The following APBB2 variants were observed in gnomAD, a reference collection of about 807,000 sequenced individuals.
APBB2 encodes amyloid beta precursor protein binding family B member 2, also known as Fe65-like 1.
A neutral mutation model predicts 82.5 loss-of-function variants in APBB2; 38 were observed. The ratio of observed to expected loss-of-function variants is 0.46; its 90% CI spans 0.36 to 0.60. The LOEUF (loss-of-function observed/expected upper bound fraction) is 0.60. Among genes scored for constraint, APBB2 ranks in the 20% least tolerant of loss-of-function variants. The pLI, the probability that APBB2 is intolerant of heterozygous loss-of-function variation, is 0.00. For synonymous variants in APBB2, 341 were observed against 368.2 expected (o/e 0.93, Z 0.85); for missense variants, 772 against 972.3 (o/e 0.79, Z 2.74).
At chr4:41,140,554 A>G (rs1758822282) in intron 2 of APBB2, among the ~76,000 whole-genome samples, 1 of 152,162 alleles carries the variant, frequency 6.6e-6, no homozygotes, top group Admixed American at 6.5e-5. Flanking sequence ...ACTGCATGTC[A>G]GTCATGTGAA....
At chr4:41,191,981 C>A (rs1353120374) in intron 1 of APBB2, among the ~76,000 whole-genome samples, 2 of 152,222 alleles carry the variant, frequency 1.3e-5, no homozygotes, top group African/African-American at 2.4e-5. Context: ...CCTGGATAGA[C>A]ATTTTTCCTA....
At chr4:41,018,344 C>T (rs972316981) in intron 5 of APBB2, among the ~76,000 whole-genome samples, 2 of 152,190 alleles carry the variant, frequency 1.3e-5, no homozygotes, top group Non-Finnish European at 2.9e-5. Context: ...ACAGAAATCA[C>T]AGAGGGTGAC....
At chr4:41,175,802 G>A (rs1158695000) in intron 1 of APBB2, among the ~76,000 whole-genome samples, 1 of 152,170 alleles carries the variant, frequency 6.6e-6, no homozygotes, top group African/African-American at 2.4e-5. Flanking sequence ...ATGTGAGGAA[G>A]AAAACAGCAA....
At chr4:41,077,878 A>C (rs547976244) in intron 3 of APBB2, among the ~76,000 whole-genome samples, 20 of 152,352 alleles carry the variant, frequency 1.3e-4, no homozygotes, top group Admixed American at 1.2e-3. Context: ...GAACAGAATG[A>C]GCAAGCAGAG....
chr4:40,878,468 C>T (rs140705139), intron 12 of APBB2, among the ~76,000 whole-genome samples: 71 of 152,308 alleles, frequency 4.7e-4, no homozygotes, highest in African/African-American at 1.7e-3. Context: ...TCCTCCCCAT[C>T]ACGTTACCTG....
intron 6 of APBB2, among the ~76,000 whole-genome samples, chr4:40,999,384 A>G (rs1804527340): frequency 6.6e-6 from 1 of 152,228 alleles, no homozygotes; most frequent in African/African-American, 2.4e-5. Context: ...TTGAGGCTGC[A>G]GTGAGCTGTG....
At chr4:40,959,457 C>A (rs746272419) in intron 6 of APBB2, among the ~76,000 whole-genome samples, 1 of 152,192 alleles carries the variant, frequency 6.6e-6, no homozygotes, top group Non-Finnish European at 1.5e-5. Flanking sequence ...TAGTATACAA[C>A]AGCAACGATC....
At chr4:40,980,478 G>C (rs1231738862) in intron 6 of APBB2, among the ~76,000 whole-genome samples, 5 of 152,184 alleles carry the variant, frequency 3.3e-5, no homozygotes, top group East Asian at 1.9e-4. Flanking sequence ...ATGGGCATGA[G>C]AGAAAAGGAA....
At chr4:40,893,205 C>A in intron 11 of APBB2, 60 bp downstream of exon 11, 1 of 1,584,248 alleles carries the variant, frequency 6.3e-7, no homozygotes, top group South Asian at 1.2e-5. Context: ...AGCTGTGGGG[C>A]TTCCTGAAAT....
chr4:40,978,589 G>T (rs1471532783), intron 6 of APBB2, among the ~76,000 whole-genome samples: 2 of 152,014 alleles, frequency 1.3e-5, no homozygotes, highest in Non-Finnish European at 2.9e-5. Context: ...AAAAAAGCGT[G>T]GAAAATTACT....
chr4:40,965,127 T>TAA (rs71198617), intron 6 of APBB2, among the ~76,000 whole-genome samples: 4 of 132,816 alleles, frequency 3.0e-5, no homozygotes, highest in East Asian at 4.2e-4. Flanking sequence ...CTCAAAAAAT[T>TAA]AAAAAAAAAA....
chr4:40,945,771 C>G (rs1788211529), intron 6 of APBB2, among the ~76,000 whole-genome samples: 1 of 152,126 alleles, frequency 6.6e-6, no homozygotes, highest in Admixed American at 6.5e-5. Flanking sequence ...TGCCACCACG[C>G]CAGGCTTTTT....
At chr4:41,187,575 G>A (rs936078750) in intron 1 of APBB2, among the ~76,000 whole-genome samples, 1 of 152,178 alleles carries the variant, frequency 6.6e-6, no homozygotes, top group Non-Finnish European at 1.5e-5. Context: ...CAGCTCATCA[G>A]AGACCCTATT....
At chr4:41,062,273 A>C (rs1252333159) in intron 4 of APBB2, among the ~76,000 whole-genome samples, 1 of 152,094 alleles carries the variant, frequency 6.6e-6, no homozygotes, top group African/African-American at 2.4e-5. Flanking sequence ...CCCAGGTTCA[A>C]GCAATTCTCC....
chr4:40,889,518 A>G (rs909928593), intron 12 of APBB2, among the ~76,000 whole-genome samples: 5 of 152,238 alleles, frequency 3.3e-5, no homozygotes, highest in African/African-American at 9.6e-5. Context: ...CAACAAAGCA[A>G]TAACAAGCTA....
chr4:41,151,523 G>C (rs539288389), intron 1 of APBB2, among the ~76,000 whole-genome samples: 1 of 152,056 alleles, frequency 6.6e-6, no homozygotes, highest in South Asian at 2.1e-4. Context: ...CTCTCCTTCC[G>C]GAAGTATATC....
intron 12 of APBB2, among the ~76,000 whole-genome samples, chr4:40,835,112 T>C (rs1753424081): frequency 1.3e-5 from 2 of 151,836 alleles, no homozygotes; most frequent in Admixed American, 1.3e-4. Context: ...CCGTCTCTAC[T>C]AAAAATACAA....
intron 10 of APBB2, among the ~76,000 whole-genome samples, chr4:40,907,389 T>A (rs1166678266): frequency 2.3e-5 from 3 of 129,466 alleles, no homozygotes; most frequent in African/African-American, 6.0e-5. Context: ...ATTTTTTTTT[T>A]TTTTTTTTTT....
In APBB2 at chr4:40,832,013, T is replaced by TACACACACACACACACACAC. The variant is rs1553930075; in HGVS notation, c.1530-1456_1530-1437dup. On this transcript the variant is annotated intron_variant, in intron 12 of 17. Coordinates refer to ENST00000508593, the MANE Select transcript of APBB2 (RefSeq NM_004307.2). This position sits in a 1 kb window ranked among gnomAD's most constrained non-coding sequence, Gnocchi z 4.8. ...ACACATATTTATATATTTATTTATA[T>TACACACACACACACACACAC]ACACACACACACACACACACACACA... is the stretch of plus-strand genomic sequence containing the variant. 7.6e-4 allele frequency among the ~76,000 whole-genome samples: 105 copies of TACACACACACACACACACAC among 138,968 alleles called. No homozygotes were observed. Among genetic ancestry groups the TACACACACACACACACACAC allele is most frequent in the African/African-American group, 1.9e-3 (72 of 37,128 alleles). 91.2% of individuals were successfully genotyped at this position (138,968 alleles called of 152,430 possible).
Sources: allele counts gnomAD v4.1 joint callset (sites outside exome capture counted in the v4.1 genomes callset), GRCh38; gene constraint gnomAD v4.1.1; non-coding constraint Gnocchi (gnomAD v3.1); transcripts MANE v1.5; gene names NCBI Gene and HGNC (gene_info 2026-07-23, HGNC 2026-07-21).